Variants in NCAM2 observed in about 807,000 individuals in gnomAD.
NCAM2 encodes the protein N-CAM-2.
In NCAM2, 30 loss-of-function variants were observed where a neutral mutation model predicts 98.1. That is an observed-to-expected ratio of 0.31 (90% CI 0.23 to 0.41). NCAM2 has a LOEUF of 0.41. NCAM2 is among the 10% of genes least tolerant of loss of function. NCAM2 has a pLI of 1.00. For synonymous variants in NCAM2, 368 were observed against 342.4 expected, an observed-to-expected ratio of 1.07 and a Z score of -0.83; for missense variants, 867 against 1,005.8, an observed-to-expected ratio of 0.86 and a Z score of 1.87.
At chr21:21,432,679 A>G (rs1237142650) in intron 12 of NCAM2, among the ~76,000 whole-genome samples, 1 of 152,018 alleles carries the variant, frequency 6.6e-6, no homozygotes, top group African/African-American at 2.4e-5. Flanking sequence ...TTCTATACTT[A>G]TGAAGCCATC....
At chr21:21,285,614 A>C (rs967916545) in intron 3 of NCAM2, among the ~76,000 whole-genome samples, 2 of 151,996 alleles carry the variant, frequency 1.3e-5, no homozygotes, top group Non-Finnish European at 2.9e-5. Context: ...AAATTTTTGC[A>C]AGAACAATTC....
At position 21,460,079 on chromosome 21, in the gene NCAM2, G is replaced by T. The variant is rs903158038; in HGVS notation, c.1655-6527G>T. The stretch of plus-strand genomic sequence containing the variant: ...CCCCTTAAATATATATAATTTTATT[G>T]GTAAATTATCTCTCAATAAAGCTGG... On this transcript the variant is annotated intron_variant, in intron 12 of 17. Coordinates refer to ENST00000400546, the MANE Select transcript of NCAM2 (RefSeq NM_004540.5). Among the ~76,000 whole-genome samples the T allele has an allele frequency of 2.0e-5, 3 of 151,754 alleles. No homozygotes were observed. The South Asian group carries it at 6.2e-4, about 32-fold the overall frequency.
chr21:21,417,107 A>G (rs2077010804), intron 10 of NCAM2, among the ~76,000 whole-genome samples: 1 of 152,114 alleles, frequency 6.6e-6, no homozygotes. Context: ...GGAGCTGTGT[A>G]ATAGTCACAT....
chr21:21,188,274 C>A (rs1453713933), intron 1 of NCAM2, among the ~76,000 whole-genome samples: 1 of 152,078 alleles, frequency 6.6e-6, no homozygotes, highest in Non-Finnish European at 1.5e-5. Context: ...GATCTGCTAA[C>A]AGCTGCAATA....
intron 14 of NCAM2, among the ~76,000 whole-genome samples, chr21:21,473,857 AT>A (rs1292715384): frequency 1.3e-5 from 2 of 150,200 alleles, no homozygotes; most frequent in Non-Finnish European, 3.0e-5. Context: ...CAGAATCACT[AT>A]TAAGAAGTAC....
chr21:21,295,643 C>T (rs8132790), intron 5 of NCAM2, among the ~76,000 whole-genome samples: 1,936 of 151,840 alleles, frequency 0.013, 44 homozygotes, highest in African/African-American at 0.045. Context: ...GAGCATGACC[C>T]AAATAGGGAC....
At chr21:21,129,656 G>C (rs548570097) in intron 1 of NCAM2, among the ~76,000 whole-genome samples, 55 of 152,226 alleles carry the variant, frequency 3.6e-4, no homozygotes, top group African/African-American at 1.3e-3. Flanking sequence ...TCACGTAGTT[G>C]GTGCTAGCTA....
At chr21:21,291,904 A>AC (rs1044995811) in intron 4 of NCAM2, among the ~76,000 whole-genome samples, 200 bp from the exon 5 acceptor site, 6 of 151,694 alleles carry the variant, frequency 4.0e-5, no homozygotes, top group African/African-American at 1.5e-4. Context: ...TTAGGAAAAA[A>AC]AAAAAGGTGT....
intron 11 of NCAM2, among the ~76,000 whole-genome samples, chr21:21,430,495 G>T (rs1381735755): frequency 6.7e-6 from 1 of 149,816 alleles, no homozygotes; most frequent in Non-Finnish European, 1.5e-5. Flanking sequence ...CTGCATTCCT[G>T]GGGAGGCCTC....
intron 8 of NCAM2, among the ~76,000 whole-genome samples, chr21:21,344,220 G>A (rs1170098701): frequency 6.6e-6 from 1 of 152,158 alleles, no homozygotes; most frequent in African/African-American, 2.4e-5. Context: ...GAGCCCTTGG[G>A]CCCTGAATAA....
At chr21:21,293,087 C>A (rs2073353596) in intron 5 of NCAM2, among the ~76,000 whole-genome samples, 1 of 151,908 alleles carries the variant, frequency 6.6e-6, no homozygotes, top group African/African-American at 2.4e-5. Context: ...CACCTCCCAC[C>A]AGTTCCTTCC....
chr21:21,334,741 A>G (rs898346901), intron 6 of NCAM2, among the ~76,000 whole-genome samples: 2 of 152,142 alleles, frequency 1.3e-5, no homozygotes, highest in African/African-American at 4.8e-5. Context: ...AGATTTTAAT[A>G]TATTGAAAAT....
At chr21:21,143,734 A>C (rs1464247398) in intron 1 of NCAM2, among the ~76,000 whole-genome samples, 1 of 149,760 alleles carries the variant, frequency 6.7e-6, no homozygotes, top group Non-Finnish European at 1.5e-5. Context: ...TGCACCAAAA[A>C]CGCATTATTT....
At chr21:21,147,659 A>G (rs1243960882) in intron 1 of NCAM2, among the ~76,000 whole-genome samples, 4 of 149,342 alleles carry the variant, frequency 2.7e-5, no homozygotes, top group South Asian at 2.1e-4. Flanking sequence ...TAATAAATTT[A>G]TATATATACA....
chr21:21,264,961 G>GTGTCTGTATA, intron 1 of NCAM2, among the ~76,000 whole-genome samples: 1 of 28,434 alleles, frequency 3.5e-5, no homozygotes, highest in Non-Finnish European at 6.4e-5. Flanking sequence ...ATGTGTATGT[G>GTGTCTGTATA]TATATATACA....
At chr21:21,492,829 A>AT (rs1188310324) in intron 15 of NCAM2, among the ~76,000 whole-genome samples, 6 of 151,974 alleles carry the variant, frequency 3.9e-5, no homozygotes, top group African/African-American at 1.2e-4. Context: ...AGAGGACTTT[A>AT]TTTTTTCTGT....
chr21:21,311,227 TTTG>T (rs991280086), intron 5 of NCAM2, among the ~76,000 whole-genome samples: 51 of 152,248 alleles, frequency 3.3e-4, no homozygotes, highest in African/African-American at 1.1e-3. Context: ...GGTATATATT[TTTG>T]TTGTTGTTGT....
chr21:21,040,349 T>A (rs1399904165), intron 1 of NCAM2, among the ~76,000 whole-genome samples: 1 of 152,164 alleles, frequency 6.6e-6, no homozygotes, highest in African/African-American at 2.4e-5. Context: ...ACTCATTCTC[T>A]CTGACTGAAT....
chr21:21,429,668 T>C (rs2077287670), intron 11 of NCAM2, among the ~76,000 whole-genome samples: 1 of 152,214 alleles, frequency 6.6e-6, no homozygotes, highest in African/African-American at 2.4e-5. Context: ...ATGAAAATTA[T>C]TAGAATATTT....
Sources: gnomAD v4.1 joint callset for allele counts (sites outside exome capture counted in the v4.1 genomes callset) on GRCh38, gnomAD v4.1.1 for gene constraint, MANE v1.5 for transcripts, NCBI Gene and HGNC (gene_info 2026-07-23, HGNC 2026-07-21) for gene names.